Variants in ANKRD30B observed in about 807,000 individuals in gnomAD.
ANKRD30B encodes the protein ankyrin repeat domain 30B.
Under a neutral mutation model 202.2 loss-of-function variants are expected in ANKRD30B, and 144 were observed. The observed-to-expected ratio is 0.71, with a 90% CI of 0.62 to 0.82. The LOEUF (loss-of-function observed/expected upper bound fraction) is 0.82. Ranked by LOEUF, ANKRD30B falls within the 40% of genes least tolerant of loss-of-function variation. The pLI, the probability that ANKRD30B is intolerant of heterozygous loss-of-function variation, is 0.00. For synonymous variants in ANKRD30B, 508 were observed against 561.3 expected, an observed-to-expected ratio of 0.91 and a Z score of 1.34; for missense variants, 1,487 against 1,669.1, an observed-to-expected ratio of 0.89 and a Z score of 1.90.
intron 28 of ANKRD30B, among the ~76,000 whole-genome samples, chr18:14,810,575 T>G (rs1969857886): frequency 6.6e-6 from 1 of 151,208 alleles, no homozygotes; most frequent in Admixed American, 6.6e-5. Context: ...GTGAGTGTTG[T>G]CATTCTGAGA....
chr18:14,759,362 T>C (rs1567982318), intron 5 of ANKRD30B: 1 of 152,222 alleles, frequency 6.6e-6, no homozygotes, highest in Non-Finnish European at 1.5e-5. Context: ...GCAAAATGGG[T>C]GACTCCCAGG....
the ANKRD30B span, among the ~76,000 whole-genome samples, chr18:14,930,059 T>C: frequency 1.3e-5 from 2 of 152,272 alleles, no homozygotes; most frequent in Middle Eastern, 6.8e-3. Flanking sequence ...TCAGCCATGT[T>C]AGATGAATGT....
chr18:14,897,541 AT>A, the ANKRD30B span, among the ~76,000 whole-genome samples: 1 of 152,194 alleles, frequency 6.6e-6, no homozygotes, highest in Non-Finnish European at 1.5e-5. Context: ...AGTAAAAAAA[AT>A]CAAATTGATT....
At chr18:14,837,866 T>A (rs9675641) in intron 36 of ANKRD30B, among the ~76,000 whole-genome samples, 190 bp downstream of exon 36, 87,164 of 151,894 alleles carry the variant, frequency 0.57, 25,730 homozygotes, top group African/African-American at 0.72. Context: ...ATACAAAAAA[T>A]TTAGCTGGGC....
chr18:14,927,461 C>A, the ANKRD30B span, among the ~76,000 whole-genome samples: 31 of 152,304 alleles, frequency 2.0e-4, no homozygotes, highest in East Asian at 5.0e-3. Context: ...ATGCATCTTA[C>A]TGTGCCCTTC....
chr18:14,891,962 G>C, the ANKRD30B span, among the ~76,000 whole-genome samples: 1 of 152,200 alleles, frequency 6.6e-6, no homozygotes, highest in South Asian at 2.1e-4. Flanking sequence ...AAATGTATCA[G>C]TTAGGTTGGT....
the ANKRD30B span, among the ~76,000 whole-genome samples, chr18:14,908,660 G>A: frequency 1.3e-5 from 2 of 152,148 alleles, no homozygotes; most frequent in Non-Finnish European, 2.9e-5. Flanking sequence ...TTTAGTGTCT[G>A]TGTCTTTAGC....
chr18:14,809,677 G>A (rs1403909428), intron 26 of ANKRD30B, among the ~76,000 whole-genome samples: 2 of 150,918 alleles, frequency 1.3e-5, no homozygotes, highest in East Asian at 3.9e-4. Context: ...CTCTGCAGGG[G>A]GAAACACATC....
chr18:14,883,355 C>T, the ANKRD30B span, among the ~76,000 whole-genome samples: 2 of 100,636 alleles, frequency 2.0e-5, no homozygotes, highest in Non-Finnish European at 4.2e-5. Context: ...CTCTTTCTCT[C>T]TCTCTGTCTG....
At chr18:14,940,334 TCACTGGAGCACAGC>T in the ANKRD30B span, among the ~76,000 whole-genome samples, 1 of 152,294 alleles carries the variant, frequency 6.6e-6, no homozygotes, top group Admixed American at 6.5e-5. Flanking sequence ...TCTGCCGCCC[TCACTGGAGCACAGC>T]CAGTGCTGTG....
At chr18:14,885,778 GT>G in the ANKRD30B span, among the ~76,000 whole-genome samples, 1 of 151,762 alleles carries the variant, frequency 6.6e-6, no homozygotes, top group Non-Finnish European at 1.5e-5. Context: ...TTATACTATG[GT>G]TTTTATATTT....
the ANKRD30B span, among the ~76,000 whole-genome samples, chr18:14,913,487 T>A: frequency 3.3e-4 from 51 of 152,348 alleles, no homozygotes; most frequent in African/African-American, 1.2e-3. Flanking sequence ...TAATTTATTA[T>A]AACTTCATAC....
At chr18:14,935,579 G>A in the ANKRD30B span, among the ~76,000 whole-genome samples, 1 of 152,160 alleles carries the variant, frequency 6.6e-6, no homozygotes, top group Non-Finnish European at 1.5e-5. Context: ...ACTAGTTCTG[G>A]TCACCTATTT....
chr18:14,918,067 G>A, the ANKRD30B span, among the ~76,000 whole-genome samples: 7 of 152,260 alleles, frequency 4.6e-5, no homozygotes, highest in African/African-American at 1.4e-4. Flanking sequence ...GAAGAAAGCG[G>A]GGTGTGGATG....
Position 14,796,331 on chromosome 18 carries a change from A to C in ANKRD30B, c.1855-12A>C. ...ATTATGTATTAATTTTTGTGTTTCC[A>C]AACCCATTTAGCCTACCTGTGGAAG... On this transcript the variant is annotated splice_polypyrimidine_tract_variant and intron_variant, in intron 17 of 43. Transcript: ENST00000690538. 1 of 1,601,982 alleles carries C rather than the reference A, an allele frequency of 6.2e-7. No homozygotes were observed. The highest frequency in any genetic ancestry group is 8.5e-7 in the Non-Finnish European group (1 of 1,173,316).
chr18:14,938,106 A>C, the ANKRD30B span, among the ~76,000 whole-genome samples: 22 of 152,036 alleles, frequency 1.4e-4, no homozygotes, highest in African/African-American at 5.1e-4. Flanking sequence ...CTCTCCCTAC[A>C]TGCCTTCCCC....
the ANKRD30B span, among the ~76,000 whole-genome samples, chr18:14,881,743 T>G: frequency 4.6e-5 from 7 of 152,068 alleles, no homozygotes; most frequent in South Asian, 1.5e-3. Context: ...CGGCTTTTTT[T>G]TTTGGAAATT....
chr18:14,892,905 G>A, the ANKRD30B span, among the ~76,000 whole-genome samples: 16 of 151,912 alleles, frequency 1.1e-4, no homozygotes, highest in Non-Finnish European at 2.2e-4. Context: ...GTGGAGTGAG[G>A]CTCTGTCTCA....
chr18:14,827,769 C>T (rs929309306), intron 32 of ANKRD30B, among the ~76,000 whole-genome samples: 19 of 152,248 alleles, frequency 1.2e-4, no homozygotes, highest in Admixed American at 5.9e-4. Flanking sequence ...GCTAATAATA[C>T]AGTTTTCTGT....
Sources: allele counts gnomAD v4.1 joint callset (sites outside exome capture counted in the v4.1 genomes callset), GRCh38; gene constraint gnomAD v4.1.1; transcripts MANE v1.5; gene names NCBI Gene and HGNC (gene_info 2026-07-23, HGNC 2026-07-21).